Variants in SNTG1 observed in about 807,000 individuals in gnomAD.
SNTG1 encodes the protein syntrophin gamma 1.
SNTG1 carries 39 observed loss-of-function variants against 74.7 expected under a neutral mutation model. The observed-to-expected ratio is 0.52, with a 90% CI of 0.40 to 0.68. The LOEUF is 0.68. SNTG1 is among the 30% of genes least tolerant of loss of function. The pLI is 0.00. For synonymous variants in SNTG1, 254 were observed against 217.1 expected (o/e 1.17, Z -1.49); for missense variants, 685 against 609.5 (o/e 1.12, Z -1.30).
chr8:50,343,961 A>T (rs575348817), intron 2 of SNTG1, among the ~76,000 whole-genome samples: 4 of 152,210 alleles, frequency 2.6e-5, no homozygotes, highest in African/African-American at 9.6e-5. Context: ...GGTGTTAGTC[A>T]TCTGATCAGG....
chr8:50,701,837 CCTCCTT>C (rs1337983700), intron 15 of SNTG1, among the ~76,000 whole-genome samples: 11 of 148,032 alleles, frequency 7.4e-5, no homozygotes, highest in Non-Finnish European at 1.5e-4. Context: ...TCCTCCTCCT[CCTCCTT>C]CTCCCTCTTC....
intron 2 of SNTG1, among the ~76,000 whole-genome samples, chr8:50,332,271 A>G (rs2090994225): frequency 6.6e-6 from 1 of 152,062 alleles, no homozygotes. Flanking sequence ...TGTGATTGTC[A>G]TTATTATTCA....
intron 9 of SNTG1, among the ~76,000 whole-genome samples, chr8:50,521,473 C>T (rs1563518198): frequency 6.6e-6 from 1 of 152,070 alleles, no homozygotes; most frequent in Non-Finnish European, 1.5e-5. Context: ...CACTGATTTG[C>T]AGCTTTTTTG....
intron 2 of SNTG1, among the ~76,000 whole-genome samples, chr8:50,258,948 G>C (rs984081904): frequency 4.6e-5 from 7 of 151,978 alleles, no homozygotes; most frequent in African/African-American, 1.7e-4. Flanking sequence ...ACACCAAAAA[G>C]TTCAACAAGG....
intron 2 of SNTG1, among the ~76,000 whole-genome samples, chr8:50,274,938 C>T (rs562987466): frequency 5.3e-5 from 8 of 152,214 alleles, no homozygotes; most frequent in East Asian, 3.9e-4. Context: ...TTGATTATTT[C>T]GATTACAATT....
chr8:50,787,206 T>C (rs1393492385), intron 18 of SNTG1, among the ~76,000 whole-genome samples: 1 of 151,886 alleles, frequency 6.6e-6, no homozygotes, highest in African/African-American at 2.4e-5. Flanking sequence ...CCAGAGAAGA[T>C]ATTCAAATTG....
chr8:50,289,042 T>C (rs1429638923), intron 2 of SNTG1, among the ~76,000 whole-genome samples: 1 of 152,224 alleles, frequency 6.6e-6, no homozygotes, highest in Non-Finnish European at 1.5e-5. Flanking sequence ...TTGATTCTGT[T>C]GCAACATGTT....
chr8:50,688,498 A>G (rs2095362731), intron 15 of SNTG1, among the ~76,000 whole-genome samples: 1 of 152,200 alleles, frequency 6.6e-6, no homozygotes, highest in Admixed American at 6.5e-5. Context: ...TCCCAGCACC[A>G]TTTATTAAAT....
chr8:50,722,611 T>A (rs1304196582), intron 17 of SNTG1, among the ~76,000 whole-genome samples: 2 of 152,172 alleles, frequency 1.3e-5, no homozygotes, highest in Non-Finnish European at 2.9e-5. Flanking sequence ...GCAGAACGTA[T>A]TTTTCTTTTA....
intron 13 of SNTG1, among the ~76,000 whole-genome samples, chr8:50,608,405 T>G (rs910557297): frequency 1.3e-5 from 2 of 151,806 alleles, no homozygotes; most frequent in African/African-American, 4.8e-5. Flanking sequence ...TATTTATAAC[T>G]GTTATGTATT....
At chr8:50,008,528 GGATGGATAGATGGATGGATGGATCAAT>G (rs1815467271) in intron 1 of SNTG1, among the ~76,000 whole-genome samples, 1 of 152,084 alleles carries the variant, frequency 6.6e-6, no homozygotes, top group Non-Finnish European at 1.5e-5. Flanking sequence ...GTGGGCACAT[GGATGGATAGATGGATGGATGGATCAAT>G]GGACAAGTGG....
intron 2 of SNTG1, among the ~76,000 whole-genome samples, chr8:50,244,464 G>C (rs1367105236): frequency 5.3e-5 from 8 of 152,100 alleles, no homozygotes; most frequent in African/African-American, 1.9e-4. Flanking sequence ...TGTGTTTCAT[G>C]ACACTCTAAA....
intron 9 of SNTG1, among the ~76,000 whole-genome samples, chr8:50,521,675 T>C (rs1049020775): frequency 6.6e-6 from 1 of 152,210 alleles, no homozygotes; most frequent in Non-Finnish European, 1.5e-5. Flanking sequence ...TCCTTCAAAA[T>C]TAGTCAATCT....
intron 1 of SNTG1, among the ~76,000 whole-genome samples, chr8:50,014,861 A>G (rs1372739444): frequency 6.6e-6 from 1 of 152,124 alleles, no homozygotes; most frequent in Non-Finnish European, 1.5e-5. Context: ...TATTCCAGTA[A>G]AGCTTCTAAA....
intron 17 of SNTG1, 139 bp downstream of exon 17, chr8:50,709,117 T>C (rs1294941644): frequency 2.0e-5 from 13 of 651,960 alleles, no homozygotes; most frequent in Non-Finnish European, 2.9e-5. Flanking sequence ...TAATGGAAGA[T>C]AAATTATGCT....
At chr8:50,668,038 T>G (rs775995175) in intron 15 of SNTG1, among the ~76,000 whole-genome samples, 45 of 152,048 alleles carry the variant, frequency 3.0e-4, no homozygotes, top group Non-Finnish European at 4.6e-4. Context: ...CCTCGTTCTG[T>G]CTATGAACAT....
chr8:50,312,337 A>G lies in SNTG1; in HGVS notation c.-27-81875A>G, dbSNP rs114081970. 3.1e-3 allele frequency among the ~76,000 whole-genome samples: 467 copies of G among 152,262 alleles called. 3 individuals carry two copies. Among genetic ancestry groups the G allele is most frequent in the African/African-American group, 0.011 (440 of 41,568 alleles). ...GAGGGATGCTTAGTGATTGTCTCAA[A>G]ATAACACAGATAGATGGCCCCAACG... On this transcript the variant is annotated intron_variant, in intron 2 of 18. Coordinates refer to ENST00000642720, the MANE Select transcript of SNTG1 (RefSeq NM_018967.5).
At chr8:50,311,854 G>T (rs748901682) in intron 2 of SNTG1, among the ~76,000 whole-genome samples, 4 of 152,120 alleles carry the variant, frequency 2.6e-5, no homozygotes, top group African/African-American at 7.2e-5. Flanking sequence ...CAATTAAGTT[G>T]CCAGGGTAAC....
intron 15 of SNTG1, among the ~76,000 whole-genome samples, chr8:50,674,412 T>C (rs1310967032): frequency 1.3e-5 from 2 of 152,062 alleles, no homozygotes; most frequent in South Asian, 2.1e-4. Flanking sequence ...GGAGGGTGTA[T>C]GTGTCCAGGA....
Sources: gnomAD v4.1 joint callset for allele counts (sites outside exome capture counted in the v4.1 genomes callset) on GRCh38, gnomAD v4.1.1 for gene constraint, MANE v1.5 for transcripts, NCBI Gene and HGNC (gene_info 2026-07-23, HGNC 2026-07-21) for gene names.